IGDCC3: variants seen among roughly 807,000 people sequenced by gnomAD.
The protein encoded by IGDCC3 is immunoglobulin superfamily DCC subclass member 3.
IGDCC3 carries 47 observed loss-of-function variants against 72.0 expected under a neutral mutation model. The ratio of observed to expected loss-of-function variants is 0.65; its 90% confidence interval spans 0.52 to 0.83. The LOEUF is 0.83. Among genes scored for constraint, IGDCC3 ranks in the 40% least tolerant of loss-of-function variants. IGDCC3 has a pLI of 0.00. For missense variants in IGDCC3, 1,038 were observed against 1,091.3 expected, an observed-to-expected ratio of 0.95 and a Z score of 0.69; for synonymous variants, 477 against 472.8, an observed-to-expected ratio of 1.01 and a Z score of -0.11.
Position 65,329,743 on chromosome 15 carries a change from C to T in IGDCC3, c.1980G>A (p.Leu660=). ...TCIIFCVLFL[L]FGQRGRVLLC... ...GGACCCACCTGCCCCTTTGGCCGAA[C>T]AGGAGGAAGAGGACACAGAAGATGA... The change falls in exon 12 of 14, where the codon CTG becomes CTA. Residue 660 remains leucine (L), a synonymous_variant. Coordinates refer to ENST00000327987, the MANE Select transcript of IGDCC3 (RefSeq NM_004884.4). The surrounding 1 kb of genome is among the most constrained non-coding windows in gnomAD (Gnocchi z 4.1). 2 of 1,614,146 alleles carry T rather than the reference C, an allele frequency of 1.2e-6. No homozygotes were observed. The highest frequency in any genetic ancestry group is 1.7e-6 in the Non-Finnish European group (2 of 1,180,032).
At chr15:65,372,138 A>G (rs2091329257) in intron 2 of IGDCC3, among the ~76,000 whole-genome samples, 1 of 152,188 alleles carries the variant, frequency 6.6e-6, no homozygotes, top group Admixed American at 6.5e-5. Context: ...CCACCTTTCA[A>G]TGAGGAGTGC....
intron 2 of IGDCC3, among the ~76,000 whole-genome samples, chr15:65,362,255 T>C (rs1159290105): frequency 1.3e-5 from 2 of 152,068 alleles, no homozygotes; most frequent in Non-Finnish European, 2.9e-5. Context: ...ACATTCCACC[T>C]AGGAGGAAAC....
intron 2 of IGDCC3, among the ~76,000 whole-genome samples, chr15:65,360,084 G>A (rs2091250718): frequency 6.6e-6 from 1 of 152,186 alleles, no homozygotes; most frequent in Non-Finnish European, 1.5e-5. Context: ...CAGACAAGTG[G>A]GAGGGATAAG....
At chr15:65,372,639 A>C (rs973544307) in intron 2 of IGDCC3, among the ~76,000 whole-genome samples, 2 of 152,044 alleles carry the variant, frequency 1.3e-5, no homozygotes, top group Non-Finnish European at 2.9e-5. Context: ...TGAGTCTGCG[A>C]GGGGTGCTTA....
chr15:65,352,699 T>C (rs1235251084), intron 2 of IGDCC3, among the ~76,000 whole-genome samples: 2 of 152,194 alleles, frequency 1.3e-5, no homozygotes, highest in Non-Finnish European at 2.9e-5. Context: ...GAGAGTTCCA[T>C]CAAAGCCAAT....
intron 11 of IGDCC3, 38 bp downstream of exon 11, chr15:65,330,255 C>T (rs1455998610): frequency 6.9e-7 from 1 of 1,457,850 alleles, no homozygotes; most frequent in Non-Finnish European, 9.6e-7. Context: ...TCCCGGCTTC[C>T]CACCCACTCA....
chr15:65,363,508 C>T (rs553816184), intron 2 of IGDCC3, among the ~76,000 whole-genome samples: 121 of 152,346 alleles, frequency 7.9e-4, no homozygotes, highest in African/African-American at 2.8e-3. Context: ...GCCCCAGAGT[C>T]GGCCCCGTGG....
intron 2 of IGDCC3, among the ~76,000 whole-genome samples, chr15:65,355,545 C>CGGCCGGGCCCGAGGCGGG (rs2091211238): frequency 1.3e-5 from 2 of 149,462 alleles, no homozygotes; most frequent in Non-Finnish European, 3.0e-5. Context: ...CCCTTCCCGG[C>CGGCCGGGCCCGAGGCGGG]GGCCGGGCCC....
At chr15:65,355,823 T>C (rs2091216052) in intron 2 of IGDCC3, 1 of 443,206 alleles carries the variant, frequency 2.3e-6, no homozygotes, top group African/African-American at 2.0e-5. Flanking sequence ...GGGTTTGATG[T>C]CGCTGGGGCG....
Position 65,339,445 on chromosome 15 carries a change from C to T in IGDCC3, c.410-3489G>A, listed in dbSNP as rs1211235446. On this transcript the variant is annotated intron_variant, in intron 2 of 13. Transcript: ENST00000327987. The surrounding 1 kb of genome is among the most constrained non-coding windows in gnomAD (Gnocchi z 4.1). ...GCCCGGACTGGCACAGCATTTTTTTCTTTAGGAAGTTTGAGGAAAAGGGAT... is the reference window on the plus strand; with the variant it reads ...GCCCGGACTGGCACAGCATTTTTTTTTTTAGGAAGTTTGAGGAAAAGGGAT... Among the ~76,000 whole-genome samples the T allele has an allele frequency of 6.6e-6, 1 of 152,160 alleles. No individual in the cohort carries two copies. Among genetic ancestry groups the T allele is most frequent in the Admixed American group, 6.5e-5 (1 of 15,276 alleles).
rs2090953242 is a variant in IGDCC3, at chr15:65,329,285, T to C, written c.2205+105A>G. On this transcript the variant is annotated intron_variant, in intron 13 of 13. Coordinates refer to ENST00000327987, the MANE Select transcript of IGDCC3 (RefSeq NM_004884.4). The surrounding 1 kb of genome is among the most constrained non-coding windows in gnomAD (Gnocchi z 4.1). The stretch of plus-strand genomic sequence containing the variant: ...ACAAAGAGAAGACCTGCAGTTTGAC[T>C]AAGGCCAATGATCGAGGCCCGTGGC... 1 of 1,474,354 alleles carries C rather than the reference T, an allele frequency of 6.8e-7. No homozygotes were observed. The highest frequency in any genetic ancestry group is 9.1e-7 in the Non-Finnish European group (1 of 1,094,968). 91.3% of individuals were successfully genotyped at this position (1,474,354 alleles called of 1,614,324 possible).
At chr15:65,340,700 T>G (rs1423402763) in intron 2 of IGDCC3, among the ~76,000 whole-genome samples, 2 of 152,134 alleles carry the variant, frequency 1.3e-5, no homozygotes, top group Admixed American at 1.3e-4. Context: ...ACCCAACTTT[T>G]CCCTTTAGAA....
At position 65,329,804 on chromosome 15, in the gene IGDCC3, C is replaced by T. The variant is rs2090960283; in HGVS notation, c.1919G>A (p.Gly640Asp). ...EEAANQTSTT[G>D]IVIGIHIGVT... is the part of the protein sequence containing the mutation. ...CCCGATGTGGATGCCGATGACGATG[C>T]CTGTGGTGGACGTCTGGTTGGCGGC... The change falls in exon 12 of 14, where the codon GGC becomes GAC. Residue 640 changes from glycine to aspartate, a missense_variant. By Grantham distance (94) the Gly-to-Asp change is moderately conservative. Coordinates refer to ENST00000327987, the MANE Select transcript of IGDCC3 (RefSeq NM_004884.4). This position sits in a 1 kb window ranked among gnomAD's most constrained non-coding sequence, Gnocchi z 4.1. 1 of 1,614,128 alleles carries T rather than the reference C, an allele frequency of 6.2e-7. No individual in the cohort carries two copies. The highest frequency in any genetic ancestry group is 1.3e-5 in the African/African-American group (1 of 75,044).
At chr15:65,370,602 G>GTATATATATGTA (rs1236910113) in intron 2 of IGDCC3, among the ~76,000 whole-genome samples, 1 of 97,678 alleles carries the variant, frequency 1.0e-5, no homozygotes, top group Non-Finnish European at 2.0e-5. Context: ...ATATATGTAT[G>GTATATATATGTA]TGTATATATA....
At chr15:65,344,343 G>A (rs573935484) in intron 2 of IGDCC3, among the ~76,000 whole-genome samples, 58 of 152,124 alleles carry the variant, frequency 3.8e-4, no homozygotes, top group African/African-American at 1.3e-3. Flanking sequence ...CAAGTCCTTC[G>A]CCGCCTGCCT....
chr15:65,360,483 T>C (rs2091253318), intron 2 of IGDCC3, among the ~76,000 whole-genome samples: 1 of 152,156 alleles, frequency 6.6e-6, no homozygotes, highest in African/African-American at 2.4e-5. Context: ...TACAGGAGAA[T>C]TGGAATACAA....
chr15:65,331,850 G>A (rs2090980639), intron 7 of IGDCC3, 91 bp downstream of exon 7: 2 of 1,461,170 alleles, frequency 1.4e-6, no homozygotes, highest in African/African-American at 1.4e-5. Context: ...TTCCCTGGCA[G>A]GAGGTGTACA....
intron 2 of IGDCC3, chr15:65,355,666 C>A: frequency 9.5e-6 from 2 of 211,624 alleles, no homozygotes; most frequent in Non-Finnish European, 2.0e-5. Context: ...TCCCGCCCCC[C>A]CGCCCCTCCC....
At chr15:65,333,173 A>C in intron 6 of IGDCC3, 84 bp downstream of exon 6, 1 of 1,334,508 alleles carries the variant, frequency 7.5e-7, no homozygotes. Context: ...GGGGTGGGAC[A>C]GGGCCCTGGG....
Sources: gnomAD v4.1 joint callset for allele counts (sites outside exome capture counted in the v4.1 genomes callset) on GRCh38, gnomAD v4.1.1 for gene constraint, Gnocchi (gnomAD v3.1) non-coding constraint, MANE v1.5 for transcripts, NCBI Gene and HGNC (gene_info 2026-07-23, HGNC 2026-07-21) for gene names.